ARL15: variants seen among roughly 807,000 people sequenced by gnomAD.
The protein encoded by ARL15 is ARF like GTPase 15.
In ARL15, 19 loss-of-function variants were observed where a neutral mutation model predicts 25.2. The ratio of observed to expected loss-of-function variants is 0.75; its 90% CI spans 0.53 to 1.10. The LOEUF (loss-of-function observed/expected upper bound fraction) is 1.10. ARL15 is among the 50% of genes least tolerant of loss of function. ARL15 has a pLI of 0.00. For missense variants in ARL15, 220 were observed against 246.0 expected (o/e 0.89, Z 0.71); for synonymous variants, 94 against 86.8 (o/e 1.08, Z -0.46).
At chr5:54,005,590 G>A (rs184814216) in intron 4 of ARL15, among the ~76,000 whole-genome samples, 203 of 152,064 alleles carry the variant, frequency 1.3e-3, no homozygotes, top group Non-Finnish European at 1.8e-3. Flanking sequence ...ATAGCCGGGC[G>A]CGGTAGCTCA....
intron 4 of ARL15, among the ~76,000 whole-genome samples, chr5:53,935,455 C>T (rs1746323738): frequency 1.3e-5 from 2 of 152,210 alleles, no homozygotes; most frequent in African/African-American, 4.8e-5. Flanking sequence ...GTGTCTAGCA[C>T]ACATCATTCT....
intron 4 of ARL15, among the ~76,000 whole-genome samples, chr5:54,014,550 T>C (rs540603102): frequency 1.4e-4 from 21 of 152,036 alleles, no homozygotes; most frequent in African/African-American, 5.1e-4. Flanking sequence ...AGCTAGAGTC[T>C]TGCTCTGTCG....
At chr5:53,896,532 C>T (rs1193805964) in intron 4 of ARL15, among the ~76,000 whole-genome samples, 2 of 152,006 alleles carry the variant, frequency 1.3e-5, no homozygotes, top group African/African-American at 2.4e-5. Context: ...CTCACTCTGT[C>T]GCCCAGGCTG....
rs1242622001 is a variant in ARL15 at position 54,207,710 on chromosome 5, G to A, written c.49-35782C>T. On this transcript the variant is annotated intron_variant, in intron 1 of 4. Transcript: ENST00000504924. ...TCTAAACAGGCAGTGAAAGAAAGGT[G>A]GGCCACAAGACAGTTTGTTCCCTGG... Among the ~76,000 whole-genome samples the A allele has an allele frequency of 3.9e-5, 6 of 152,170 alleles. No homozygotes were observed. The East Asian group carries it at 1.2e-3, about 29-fold the overall frequency.
Position 54,063,410 on chromosome 5 carries a change from C to A in ARL15, c.462+49792G>T, listed in dbSNP as rs112685347. On this transcript the variant is annotated intron_variant, in intron 4 of 4. Coordinates refer to ENST00000504924, the MANE Select transcript of ARL15 (RefSeq NM_019087.3). ...TGTGTCCACCAGAGCCACACTCATT[C>A]TGTAATCCCTGAGTCCAGCTTGTGG... Among the ~76,000 whole-genome samples, 345 of 152,348 alleles carry A rather than the reference C, an allele frequency of 2.3e-3. 1 individual carries two copies. Among genetic ancestry groups the A allele is most frequent in the African/African-American group, 8.0e-3 (332 of 41,580 alleles).
chr5:53,937,561 T>C lies in ARL15; in HGVS notation c.463-50848A>G, dbSNP rs139896863. 6.8e-3 allele frequency among the ~76,000 whole-genome samples: 1,039 copies of C among 152,354 alleles called. 9 individuals carry two copies. The highest frequency in any genetic ancestry group is 0.011 in the Non-Finnish European group (718 of 68,034). ...AATACTATAGTTTTTACTACGGCTT[T>C]TCTATGTTTAGATACACAAATACTT... On this transcript the variant is annotated intron_variant, in intron 4 of 4. Transcript: ENST00000504924.
intron 1 of ARL15, among the ~76,000 whole-genome samples, chr5:54,288,800 T>C (rs576976698): frequency 5.9e-5 from 9 of 152,260 alleles, no homozygotes; most frequent in Non-Finnish European, 1.2e-4. Context: ...TACCTGGACA[T>C]ATAAGGTTTT....
At chr5:53,972,568 T>A (rs972780563) in intron 4 of ARL15, among the ~76,000 whole-genome samples, 1 of 152,204 alleles carries the variant, frequency 6.6e-6, no homozygotes, top group Non-Finnish European at 1.5e-5. Context: ...ATTTGTTTCT[T>A]TTTTTGTACG....
intron 1 of ARL15, among the ~76,000 whole-genome samples, chr5:54,262,889 C>T (rs954511300): frequency 2.6e-5 from 4 of 152,016 alleles, no homozygotes; most frequent in African/African-American, 9.7e-5. Context: ...TTCTGTTTGC[C>T]GGGCACTGGC....
chr5:54,057,778 G>C (rs1391159142), intron 4 of ARL15, among the ~76,000 whole-genome samples: 1 of 152,132 alleles, frequency 6.6e-6, no homozygotes, highest in Non-Finnish European at 1.5e-5. Context: ...GAGTCTGGGA[G>C]GTTGAGGCTG....
chr5:54,104,666 A>G (rs1017353339), intron 4 of ARL15, among the ~76,000 whole-genome samples: 1 of 152,174 alleles, frequency 6.6e-6, no homozygotes, highest in Non-Finnish European at 1.5e-5. Flanking sequence ...AACATATAAA[A>G]ATTATAATTT....
At chr5:54,089,078 G>T (rs1752058400) in intron 4 of ARL15, among the ~76,000 whole-genome samples, 1 of 152,148 alleles carries the variant, frequency 6.6e-6, no homozygotes, top group Admixed American at 6.5e-5. Context: ...GCAAAGTAAT[G>T]CTATTCAAAG....
At chr5:53,969,082 T>C (rs1355724469) in intron 4 of ARL15, among the ~76,000 whole-genome samples, 3 of 151,868 alleles carry the variant, frequency 2.0e-5, no homozygotes, top group Non-Finnish European at 2.9e-5. Flanking sequence ...AATTGCTAGG[T>C]GGAGGTTGCA....
intron 1 of ARL15, among the ~76,000 whole-genome samples, chr5:54,217,950 C>G (rs1579921341): frequency 1.3e-5 from 2 of 152,140 alleles, no homozygotes; most frequent in African/African-American, 2.4e-5. Context: ...AAAAAATCAC[C>G]CAAACATTGC....
At chr5:54,167,877 C>T (rs1461185257) in intron 2 of ARL15, among the ~76,000 whole-genome samples, 4 of 152,122 alleles carry the variant, frequency 2.6e-5, no homozygotes, top group Admixed American at 2.0e-4. Context: ...CACCTCAATA[C>T]TCTACTGAAA....
At chr5:54,272,571 TTAAA>T (rs1179289604) in intron 1 of ARL15, among the ~76,000 whole-genome samples, 1 of 152,070 alleles carries the variant, frequency 6.6e-6, no homozygotes, top group African/African-American at 2.4e-5. Flanking sequence ...AGTTCCTAAG[TTAAA>T]TAACCCCAAA....
intron 1 of ARL15, among the ~76,000 whole-genome samples, chr5:54,223,515 T>C (rs983578787): frequency 6.6e-6 from 1 of 152,286 alleles, no homozygotes; most frequent in South Asian, 2.1e-4. Context: ...ACAGGTTGAT[T>C]GACAATTGAC....
intron 4 of ARL15, among the ~76,000 whole-genome samples, chr5:54,000,199 A>T (rs1748808764): frequency 6.6e-6 from 1 of 152,182 alleles, no homozygotes; most frequent in Non-Finnish European, 1.5e-5. Flanking sequence ...TTTTAGGCCA[A>T]GGAAAAGAAA....
intron 4 of ARL15, among the ~76,000 whole-genome samples, chr5:54,068,107 C>T (rs1441861842): frequency 6.6e-6 from 1 of 152,146 alleles, no homozygotes; most frequent in Non-Finnish European, 1.5e-5. Flanking sequence ...AAGAACTTGC[C>T]TACAGTCTCA....
Sources: allele counts gnomAD v4.1 joint callset (sites outside exome capture counted in the v4.1 genomes callset), GRCh38; gene constraint gnomAD v4.1.1; transcripts MANE v1.5; gene names NCBI Gene and HGNC (gene_info 2026-07-23, HGNC 2026-07-21).